Variants in ADGRL2 observed in about 807,000 individuals in gnomAD.
The protein encoded by ADGRL2 is calcium-independent alpha-latrotoxin receptor 2.
In ADGRL2, 44 loss-of-function variants were observed where a neutral mutation model predicts 157.4. The ratio of observed to expected loss-of-function variants is 0.28; its 90% CI spans 0.22 to 0.36. The LOEUF (loss-of-function observed/expected upper bound fraction) is 0.36. ADGRL2 is among the 10% of genes least tolerant of loss of function. The pLI, the probability that ADGRL2 is intolerant of heterozygous loss-of-function variation, is 1.00. For synonymous variants in ADGRL2, 585 were observed against 624.7 expected, an observed-to-expected ratio of 0.94 and a Z score of 0.95; for missense variants, 1,510 against 1,768.9, an observed-to-expected ratio of 0.85 and a Z score of 2.63.
At chr1:81,966,689 T>A in intron 13 of ADGRL2, 80 bp downstream of exon 13, 1 of 1,246,838 alleles carries the variant, frequency 8.0e-7, no homozygotes, top group Non-Finnish European at 1.2e-6. Flanking sequence ...GTGCTGGGGA[T>A]GGGGAGAGAA....
intron 3 of ADGRL2, among the ~76,000 whole-genome samples, chr1:81,925,176 G>A (rs2095075374): frequency 6.6e-6 from 1 of 152,056 alleles, no homozygotes; most frequent in African/African-American, 2.4e-5. Context: ...GAATAATTAT[G>A]TAGCACTTTG....
intron 3 of ADGRL2, 147 bp downstream of exon 3, chr1:81,907,377 C>G: frequency 3.2e-6 from 2 of 625,062 alleles, no homozygotes; most frequent in Non-Finnish European, 5.7e-6. Context: ...ATGTTGATAT[C>G]TACACTTTAT....
intron 2 of ADGRL2, among the ~76,000 whole-genome samples, chr1:81,841,303 T>C (rs2092568193): frequency 6.6e-6 from 1 of 152,152 alleles, no homozygotes; most frequent in African/African-American, 2.4e-5. Context: ...GTTGTAGAAA[T>C]AGTTTCTTGC....
At chr1:81,860,255 G>A (rs752132091) in intron 2 of ADGRL2, among the ~76,000 whole-genome samples, 40 of 151,926 alleles carry the variant, frequency 2.6e-4, no homozygotes, top group Non-Finnish European at 4.7e-4. Flanking sequence ...AAAAACACTT[G>A]ACTGGTATTC....
chr1:81,931,571 G>T (rs1316550199), intron 3 of ADGRL2, among the ~76,000 whole-genome samples: 1 of 152,112 alleles, frequency 6.6e-6, no homozygotes, highest in African/African-American at 2.4e-5. Context: ...TACTAAAAAT[G>T]ATTATATGTT....
chr1:81,546,066 G>A (rs1311320483), intron 2 of ADGRL2, among the ~76,000 whole-genome samples: 2 of 151,498 alleles, frequency 1.3e-5, no homozygotes, highest in African/African-American at 4.8e-5. Flanking sequence ...TTTTTTTTCT[G>A]TACTGTTTCC....
chr1:81,484,295 G>T (rs2078453206), intron 2 of ADGRL2, among the ~76,000 whole-genome samples: 1 of 152,086 alleles, frequency 6.6e-6, no homozygotes, highest in African/African-American at 2.4e-5. Context: ...CCAACAACTA[G>T]TCGGACTACA....
intron 1 of ADGRL2, chr1:81,722,895 C>T: frequency 2.8e-6 from 2 of 726,266 alleles, no homozygotes; most frequent in Non-Finnish European, 2.5e-6. Flanking sequence ...GCCAGAATGC[C>T]TGGACTCAAT....
intron 3 of ADGRL2, among the ~76,000 whole-genome samples, chr1:81,635,823 G>T (rs969859482): frequency 6.6e-6 from 1 of 152,142 alleles, no homozygotes; most frequent in African/African-American, 2.4e-5. Context: ...TCATTAAAGA[G>T]CTCCCTGTCC....
At chr1:81,696,455 A>G (rs1166357719), upstream of ADGRL2, among the ~76,000 whole-genome samples, 1 of 152,174 alleles carries the variant, frequency 6.6e-6, no homozygotes, top group African/African-American at 2.4e-5. Context: ...GGCAGAGGCA[A>G]GAATAGAGAG....
At chr1:81,949,158 A>G (rs140505128) in intron 6 of ADGRL2, among the ~76,000 whole-genome samples, 1 of 152,312 alleles carries the variant, frequency 6.6e-6, no homozygotes, top group African/African-American at 2.4e-5. Context: ...TGAAGGCATC[A>G]TATATGTAAG....
At chr1:81,917,734 C>T (rs971028440) in intron 3 of ADGRL2, among the ~76,000 whole-genome samples, 3 of 152,106 alleles carry the variant, frequency 2.0e-5, no homozygotes, top group Non-Finnish European at 4.4e-5. Context: ...TTTAATTTGG[C>T]TTGAGATGAT....
chr1:81,578,053 A>G (rs1207653525), intron 2 of ADGRL2, among the ~76,000 whole-genome samples: 1 of 152,220 alleles, frequency 6.6e-6, no homozygotes, highest in Non-Finnish European at 1.5e-5. Context: ...CAAGAAATAA[A>G]TGACACAGGG....
At chr1:81,903,769 CACATTATATATAT>C (rs1325639004) in intron 2 of ADGRL2, among the ~76,000 whole-genome samples, 2 of 143,138 alleles carry the variant, frequency 1.4e-5, no homozygotes, top group African/African-American at 5.1e-5. Context: ...ATTATATATA[CACATTATATATAT>C]ACACATTATA....
At chr1:81,946,069 A>G (rs917745307) in intron 6 of ADGRL2, among the ~76,000 whole-genome samples, 16 of 152,184 alleles carry the variant, frequency 1.1e-4, no homozygotes, top group African/African-American at 3.4e-4. Context: ...CAGAGCAATC[A>G]GAGAAATGAG....
chr1:81,348,840 G>T (rs1327265744), intron 1 of ADGRL2, among the ~76,000 whole-genome samples: 1 of 152,126 alleles, frequency 6.6e-6, no homozygotes, highest in Non-Finnish European at 1.5e-5. Flanking sequence ...GAGAAGAGAT[G>T]ATAATTAAAG....
intron 2 of ADGRL2, among the ~76,000 whole-genome samples, chr1:81,517,983 T>C (rs1316758806): frequency 6.6e-6 from 1 of 152,252 alleles, no homozygotes; most frequent in Non-Finnish European, 1.5e-5. Context: ...GGGAGGAAAG[T>C]TAGCACCTTG....
At chr1:81,810,986 A>G (rs1236076105) in intron 1 of ADGRL2, among the ~76,000 whole-genome samples, 2 of 151,870 alleles carry the variant, frequency 1.3e-5, no homozygotes, top group African/African-American at 2.4e-5. Flanking sequence ...ATGAATAAAT[A>G]GGAATGTTCT....
At chr1:81,663,914 T>A (rs1205626460) in intron 3 of ADGRL2, among the ~76,000 whole-genome samples, 1 of 152,160 alleles carries the variant, frequency 6.6e-6, no homozygotes, top group African/African-American at 2.4e-5. Flanking sequence ...AAAGGCTGTT[T>A]AGTATGGTTT....
Sources: gnomAD v4.1 joint callset for allele counts (sites outside exome capture counted in the v4.1 genomes callset) on GRCh38, gnomAD v4.1.1 for gene constraint, MANE v1.5 for transcripts, NCBI Gene and HGNC (gene_info 2026-07-23, HGNC 2026-07-21) for gene names.